Variants in SKAP1 observed in about 807,000 individuals in gnomAD.
SKAP1 encodes src kinase associated phosphoprotein 1, also known as src kinase-associated phosphoprotein 1.
SKAP1 carries 44 observed loss-of-function variants against 58.5 expected under a neutral mutation model. That is an observed-to-expected ratio of 0.75 (90% CI 0.59 to 0.97). The LOEUF is 0.97. Ranked by LOEUF, SKAP1 falls within the 50% of genes least tolerant of loss-of-function variation. SKAP1 has a pLI of 0.00. For missense variants in SKAP1, 390 were observed against 435.2 expected (o/e 0.90, Z 0.92); for synonymous variants, 127 against 149.7 (o/e 0.85, Z 1.11).
intron 1 of SKAP1, among the ~76,000 whole-genome samples, chr17:48,400,277 T>C (rs1240330024): frequency 6.6e-6 from 1 of 151,910 alleles, no homozygotes; most frequent in Admixed American, 6.6e-5. Context: ...TTTTGTATTT[T>C]TAGTAGAGAC....
At chr17:48,430,555 AG>A (rs1165789947), upstream of SKAP1, among the ~76,000 whole-genome samples, 1 of 152,166 alleles carries the variant, frequency 6.6e-6, no homozygotes, top group African/African-American at 2.4e-5. Flanking sequence ...AGTAGGGTGC[AG>A]GGAGGCAGAA....
chr17:48,145,813 A>G (rs1047234493), intron 11 of SKAP1, among the ~76,000 whole-genome samples: 2 of 152,150 alleles, frequency 1.3e-5, no homozygotes, highest in African/African-American at 2.4e-5. Context: ...ACCTGGAATG[A>G]CCATCCTGTC....
intron 4 of SKAP1, among the ~76,000 whole-genome samples, chr17:48,215,317 G>A (rs562093140): frequency 2.2e-4 from 34 of 152,266 alleles, no homozygotes; most frequent in Non-Finnish European, 4.0e-4. Context: ...CAAGCAGAAA[G>A]CTGTGATAAT....
chr17:48,360,171 T>C (rs1309694459), intron 3 of SKAP1, among the ~76,000 whole-genome samples: 1 of 152,164 alleles, frequency 6.6e-6, no homozygotes, highest in African/African-American at 2.4e-5. Flanking sequence ...TATATAATAT[T>C]CCCATGGTCT....
intron 4 of SKAP1, among the ~76,000 whole-genome samples, chr17:48,221,110 T>A (rs2065001946): frequency 6.6e-6 from 1 of 151,446 alleles, no homozygotes; most frequent in South Asian, 2.1e-4. Flanking sequence ...CTACTAAAAA[T>A]ATAAAAATTA....
chr17:48,194,917 A>C (rs1179597302), intron 4 of SKAP1, among the ~76,000 whole-genome samples: 1 of 152,178 alleles, frequency 6.6e-6, no homozygotes, highest in Non-Finnish European at 1.5e-5. Context: ...GATTGGGTGT[A>C]TGAGATTGGA....
At chr17:48,229,990 C>G (rs369286453) in intron 4 of SKAP1, among the ~76,000 whole-genome samples, 1 of 152,224 alleles carries the variant, frequency 6.6e-6, no homozygotes, top group South Asian at 2.1e-4. Flanking sequence ...TTTCAAAATT[C>G]GCCTCCATGC....
chr17:48,347,763 C>T (rs1409243867), intron 3 of SKAP1, among the ~76,000 whole-genome samples: 1 of 152,110 alleles, frequency 6.6e-6, no homozygotes, highest in Non-Finnish European at 1.5e-5. Flanking sequence ...AAATACTGGA[C>T]TGAGGATTAA....
chr17:48,400,909 C>T (rs184300180), intron 1 of SKAP1, among the ~76,000 whole-genome samples: 2 of 152,076 alleles, frequency 1.3e-5, no homozygotes, highest in East Asian at 3.9e-4. Context: ...TTTATGTAAC[C>T]CCTATCAAAA....
chr17:48,224,854 TA>T (rs2065048670), intron 4 of SKAP1, among the ~76,000 whole-genome samples: 1 of 152,184 alleles, frequency 6.6e-6, no homozygotes, highest in African/African-American at 2.4e-5. Flanking sequence ...TGCATACATA[TA>T]ATGTGGCCAT....
At chr17:48,312,360 C>T (rs999535559) in intron 4 of SKAP1, among the ~76,000 whole-genome samples, 4 of 152,296 alleles carry the variant, frequency 2.6e-5, no homozygotes, top group Non-Finnish European at 5.9e-5. Context: ...CTTGCATATA[C>T]TTCTCTTTCT....
At chr17:48,149,005 T>TAGCA (rs1460390075) in intron 11 of SKAP1, among the ~76,000 whole-genome samples, 2 of 152,182 alleles carry the variant, frequency 1.3e-5, no homozygotes, top group Non-Finnish European at 2.9e-5. Flanking sequence ...TGCACCTTGC[T>TAGCA]AGAAAGCACA....
At chr17:48,360,665 GC>G (rs2066924130) in intron 3 of SKAP1, among the ~76,000 whole-genome samples, 1 of 152,040 alleles carries the variant, frequency 6.6e-6, no homozygotes, top group Non-Finnish European at 1.5e-5. Flanking sequence ...CATTAAAAGT[GC>G]CCTTCCATTT....
At chr17:48,202,516 A>G (rs920786462) in intron 4 of SKAP1, among the ~76,000 whole-genome samples, 3 of 152,136 alleles carry the variant, frequency 2.0e-5, no homozygotes, top group Admixed American at 2.0e-4. Flanking sequence ...TTTAAGGCAA[A>G]AATCACCCTC....
intron 10 of SKAP1, among the ~76,000 whole-genome samples, chr17:48,165,371 T>C (rs2064123903): frequency 7.4e-6 from 1 of 134,732 alleles, no homozygotes; most frequent in African/African-American, 2.8e-5. Context: ...AGACTTTGCT[T>C]TCTTTTCTTT....
At chr17:48,354,715 T>C (rs967314597) in intron 3 of SKAP1, among the ~76,000 whole-genome samples, 6 of 152,196 alleles carry the variant, frequency 3.9e-5, no homozygotes, top group Non-Finnish European at 7.3e-5. Context: ...GAGAGAAGCA[T>C]GTGTTGATGA....
At chr17:48,433,335 A>G (rs1027895), upstream of SKAP1, among the ~76,000 whole-genome samples, 47,516 of 152,016 alleles carry the variant, frequency 0.31, 7,457 homozygotes, top group East Asian at 0.37. Context: ...GAAATATCAA[A>G]GCAATCTGGA....
chr17:48,363,342 T>C (rs1332466045), intron 3 of SKAP1, among the ~76,000 whole-genome samples: 2 of 152,212 alleles, frequency 1.3e-5, no homozygotes, highest in Non-Finnish European at 2.9e-5. Context: ...TTCTGACATT[T>C]CTCTGCTGCC....
At chr17:48,310,611 T>G (rs1283461028) in intron 4 of SKAP1, among the ~76,000 whole-genome samples, 2 of 152,230 alleles carry the variant, frequency 1.3e-5, no homozygotes, top group East Asian at 3.8e-4. Flanking sequence ...TGGTTGTTTA[T>G]TCTGACATTA....
Sources: gnomAD v4.1 joint callset for allele counts (sites outside exome capture counted in the v4.1 genomes callset) on GRCh38, gnomAD v4.1.1 for gene constraint, MANE v1.5 for transcripts, NCBI Gene and HGNC (gene_info 2026-07-23, HGNC 2026-07-21) for gene names.